The following ACTR3C variants were observed in gnomAD, a reference collection of about 807,000 sequenced individuals.
ACTR3C encodes actin related protein 3C.
ACTR3C carries 18 observed loss-of-function variants against 26.3 expected under a neutral mutation model. The ratio of observed to expected loss-of-function variants is 0.68; its 90% confidence interval spans 0.47 to 1.01. The LOEUF is 1.01. Among genes scored for constraint, ACTR3C ranks in the 50% least tolerant of loss-of-function variants. ACTR3C has a pLI of 0.00. For synonymous variants in ACTR3C, 55 were observed against 94.5 expected (o/e 0.58, Z 2.42); for missense variants, 184 against 250.7 (o/e 0.73, Z 1.80).
At chr7:150,036,123 A>G in the ACTR3C span, among the ~76,000 whole-genome samples, 1 of 126,536 alleles carries the variant, frequency 7.9e-6, no homozygotes, top group Non-Finnish European at 1.8e-5. Context: ...GGGGGGGAAG[A>G]GGGGTTGGCT....
chr7:150,103,544 C>T, the ACTR3C span, among the ~76,000 whole-genome samples: 1 of 151,788 alleles, frequency 6.6e-6, no homozygotes, highest in Non-Finnish European at 1.5e-5. Context: ...CACTATAGGA[C>T]CTGTCATGTT....
chr7:149,973,033 G>C, the ACTR3C span, among the ~76,000 whole-genome samples: 1 of 152,088 alleles, frequency 6.6e-6, no homozygotes, highest in African/African-American at 2.4e-5. Context: ...TAGTGAGCGG[G>C]CGGCACATCT....
At chr7:150,149,245 G>A in the ACTR3C span, among the ~76,000 whole-genome samples, 1 of 151,382 alleles carries the variant, frequency 6.6e-6, no homozygotes, top group African/African-American at 2.4e-5. Flanking sequence ...TATTCTGGAT[G>A]GACAAACTTT....
chr7:149,897,675 G>A, the ACTR3C span, among the ~76,000 whole-genome samples: 4 of 152,124 alleles, frequency 2.6e-5, no homozygotes, highest in Admixed American at 2.0e-4. Context: ...AGACCACCCT[G>A]GCCAACATGG....
chr7:149,940,260 A>T, the ACTR3C span, among the ~76,000 whole-genome samples: 1 of 151,928 alleles, frequency 6.6e-6, no homozygotes, highest in Non-Finnish European at 1.5e-5. Flanking sequence ...ATTTTATTAA[A>T]CAAGGAAGCA....
the ACTR3C span, among the ~76,000 whole-genome samples, chr7:150,196,479 G>T: frequency 1.1e-4 from 16 of 152,086 alleles, no homozygotes; most frequent in Admixed American, 2.0e-4. Context: ...TAGCCCATTT[G>T]ATCCTACATG....
the ACTR3C span, among the ~76,000 whole-genome samples, chr7:150,090,255 T>C: frequency 6.6e-6 from 1 of 152,244 alleles, no homozygotes; most frequent in African/African-American, 2.4e-5. Context: ...TTATTTCAGA[T>C]GAGAACTGAA....
the ACTR3C span, among the ~76,000 whole-genome samples, chr7:150,009,321 C>T: frequency 6.6e-6 from 1 of 152,190 alleles, no homozygotes; most frequent in African/African-American, 2.4e-5. Flanking sequence ...CCCCAGCACA[C>T]CCAGGAAGAC....
At chr7:150,139,669 A>G in the ACTR3C span, among the ~76,000 whole-genome samples, 1 of 152,304 alleles carries the variant, frequency 6.6e-6, no homozygotes, top group Non-Finnish European at 1.5e-5. Flanking sequence ...AATCACATGT[A>G]TGGAAGCTCA....
chr7:149,988,391 G>A, the ACTR3C span, among the ~76,000 whole-genome samples: 176 of 152,296 alleles, frequency 1.2e-3, 1 homozygote, highest in Middle Eastern at 6.8e-3. Context: ...TTGATAAGGC[G>A]GAGAGCATCG....
At chr7:150,029,397 C>CAAAAAAAAAAAAAAAACAAAAAACA in the ACTR3C span, among the ~76,000 whole-genome samples, 8 of 35,410 alleles carry the variant, frequency 2.3e-4, no homozygotes, top group African/African-American at 9.9e-4. Flanking sequence ...CAATCTTTAT[C>CAAAAAAAAAAAAAAAACAAAAAACA]AAAAACAAAA....
At chr7:150,190,508 CGT>C in the ACTR3C span, among the ~76,000 whole-genome samples, 1 of 152,130 alleles carries the variant, frequency 6.6e-6, no homozygotes, top group African/African-American at 2.4e-5. Flanking sequence ...TAAATTTACA[CGT>C]GAGTCTATAA....
At chr7:149,930,568 C>G in the ACTR3C span, among the ~76,000 whole-genome samples, 1 of 152,192 alleles carries the variant, frequency 6.6e-6, no homozygotes, top group Non-Finnish European at 1.5e-5. Context: ...GCACATACCA[C>G]GCCTGGTCCC....
At chr7:150,032,627 C>G in the ACTR3C span, among the ~76,000 whole-genome samples, 6 of 152,082 alleles carry the variant, frequency 3.9e-5, no homozygotes, top group Non-Finnish European at 8.8e-5. Flanking sequence ...TTAACACCCA[C>G]AGAGGAAAGT....
At chr7:150,052,257 T>C in the ACTR3C span, among the ~76,000 whole-genome samples, 3 of 151,576 alleles carry the variant, frequency 2.0e-5, no homozygotes, top group African/African-American at 7.3e-5. Flanking sequence ...TCTCAAAGCA[T>C]GTTTGGTTTC....
the ACTR3C span, among the ~76,000 whole-genome samples, chr7:150,066,301 A>G: frequency 1.3e-5 from 2 of 152,226 alleles, no homozygotes; most frequent in Non-Finnish European, 2.9e-5. Context: ...GATGAGCATC[A>G]GAGGCTCCAC....
At chr7:149,945,129 G>A in the ACTR3C span, among the ~76,000 whole-genome samples, 1 of 151,984 alleles carries the variant, frequency 6.6e-6, no homozygotes, top group Non-Finnish European at 1.5e-5. Context: ...TTATTGGGGA[G>A]CATGATGTTA....
chr7:150,322,055 C>T (rs768840796), intron 1 of ACTR3C, among the ~76,000 whole-genome samples: 3 of 152,218 alleles, frequency 2.0e-5, no homozygotes, highest in Non-Finnish European at 4.4e-5. Context: ...GACAAACAGG[C>T]ATTTTGTGCT....
At chr7:150,075,940 T>C in the ACTR3C span, among the ~76,000 whole-genome samples, 3 of 152,120 alleles carry the variant, frequency 2.0e-5, no homozygotes, top group Non-Finnish European at 2.9e-5. Context: ...GACAGTACAG[T>C]TACTTAGCAA....
Sources: gnomAD v4.1 joint callset for allele counts (sites outside exome capture counted in the v4.1 genomes callset) on GRCh38, gnomAD v4.1.1 for gene constraint, MANE v1.5 for transcripts, NCBI Gene and HGNC (gene_info 2026-07-23, HGNC 2026-07-21) for gene names.